The following ENTPD3 variants were observed in gnomAD, a reference collection of about 807,000 sequenced individuals.
ENTPD3 encodes the protein ectonucleoside triphosphate diphosphohydrolase 3.
Under a neutral mutation model 51.2 loss-of-function variants are expected in ENTPD3, and 60 were observed. The observed-to-expected ratio is 1.17, with a 90% CI of 0.95 to 1.45. The LOEUF (loss-of-function observed/expected upper bound fraction) is 1.45, where lower values mean the gene tolerates loss of function less well. Ranked by LOEUF, ENTPD3 falls within the 40% of genes most tolerant of loss-of-function variation. ENTPD3 has a pLI of 0.00. For missense variants in ENTPD3, 593 were observed against 641.1 expected (o/e 0.93, Z 0.81); for synonymous variants, 221 against 238.4 (o/e 0.93, Z 0.67).
At chr3:40,427,196 T>C (rs1052251387) in intron 10 of ENTPD3, 76 bp from the exon 11 acceptor site, 5 of 1,189,012 alleles carry the variant, frequency 4.2e-6, no homozygotes, top group African/African-American at 3.0e-5. Flanking sequence ...GTGAGGTTGA[T>C]AGCAGTATGA....
chr3:40,410,348 C>A (rs189166523), intron 4 of ENTPD3, among the ~76,000 whole-genome samples: 233 of 150,198 alleles, frequency 1.6e-3, no homozygotes, highest in African/African-American at 5.5e-3. Context: ...GGCTGAGGCA[C>A]AAGAATCGCT....
chr3:40,423,051 A>C lies in ENTPD3; in HGVS notation c.1033A>C (p.Lys345Gln). 6.2e-7 allele frequency: 1 copy of C among 1,614,116 alleles called. No homozygotes were observed. The highest frequency in any genetic ancestry group is 1.1e-5 in the South Asian group (1 of 91,060). Residue 345 changes from lysine to glutamine, a missense_variant, in exon 8 of 11, where the codon AAA becomes CAA. Lys to Gln is a moderately conservative substitution (Grantham distance 53, BLOSUM62 1). Transcript: ENST00000301825. ...KEKVASIFDFKACHDQETCSF... is the reference protein window; with the variant it reads ...KEKVASIFDFQACHDQETCSF... Reference sequence around the variant, plus strand: ...GAAGGTGGCTTCCATATTTGACTTCAAAGCTTGCCATGATCAAGAAACCTG... The same window carrying C: ...GAAGGTGGCTTCCATATTTGACTTCCAAGCTTGCCATGATCAAGAAACCTG...
intron 7 of ENTPD3, among the ~76,000 whole-genome samples, chr3:40,416,962 G>A (rs1955761994): frequency 6.6e-6 from 1 of 150,794 alleles, no homozygotes; most frequent in African/African-American, 2.5e-5. Context: ...CTATCCTGCA[G>A]AGGAGTTGAA....
intron 4 of ENTPD3, among the ~76,000 whole-genome samples, chr3:40,409,578 T>C (rs1202389246): frequency 6.6e-6 from 1 of 152,182 alleles, no homozygotes; most frequent in Non-Finnish European, 1.5e-5. Flanking sequence ...CTCAGGTTTT[T>C]TTATTGGTTT....
chr3:40,390,958 T>C (rs931575020), intron 2 of ENTPD3: 1 of 152,190 alleles, frequency 6.6e-6, no homozygotes, highest in African/African-American at 2.4e-5. Flanking sequence ...GTACTAATTT[T>C]TTTATTTTTA....
chr3:40,409,109 G>A (rs538494725), intron 4 of ENTPD3, among the ~76,000 whole-genome samples: 20 of 151,726 alleles, frequency 1.3e-4, no homozygotes, highest in East Asian at 9.7e-4. Context: ...AAAATTAGCC[G>A]GGTCTGTTGG....
chr3:40,423,754 A>C (rs539408758), intron 9 of ENTPD3, 72 bp from the exon 10 acceptor site: 1 of 1,541,760 alleles, frequency 6.5e-7, no homozygotes, highest in African/African-American at 1.4e-5. Flanking sequence ...TTAAAACATG[A>C]CTTTTAACCC....
chr3:40,397,857 C>T (rs772721821), intron 3 of ENTPD3, among the ~76,000 whole-genome samples: 6 of 152,074 alleles, frequency 3.9e-5, no homozygotes, highest in African/African-American at 7.2e-5. Flanking sequence ...TCTTCAGATC[C>T]ACATTTGAGC....
chr3:40,404,938 C>G (rs1955456013), intron 4 of ENTPD3, among the ~76,000 whole-genome samples: 1 of 152,148 alleles, frequency 6.6e-6, no homozygotes, highest in Non-Finnish European at 1.5e-5. Context: ...AGTTCATTGC[C>G]TTTGCTGGCG....
intron 10 of ENTPD3, 119 bp downstream of exon 10, chr3:40,424,082 T>C: frequency 2.6e-6 from 4 of 1,525,340 alleles, no homozygotes; most frequent in Non-Finnish European, 3.5e-6. Flanking sequence ...GGGTGGAAGC[T>C]GATCAGACTG....
intron 4 of ENTPD3, among the ~76,000 whole-genome samples, chr3:40,408,608 A>G (rs1955557572): frequency 6.6e-6 from 1 of 152,228 alleles, no homozygotes; most frequent in South Asian, 2.1e-4. Context: ...TAACTAACCT[A>G]TCTCATAGGA....
chr3:40,415,858 T>G lies in ENTPD3; in HGVS notation c.616T>G (p.Trp206Gly). Residue 206 changes from tryptophan (W) to glycine (G), a missense_variant, in exon 7 of 11, where the codon TGG (tryptophan) becomes GGG (glycine). By Grantham distance (184) the Trp-to-Gly change is radical. Coordinates refer to ENST00000301825, the MANE Select transcript of ENTPD3 (RefSeq NM_001248.4). ...TGTGCAGAAGAACCTGTGGCACATG[T>G]GGGTGCACCCGCATGGAGTGGAAAC... ...NFLEKNLWHM[W>G]VHPHGVETTG... is the part of the protein sequence containing the mutation. The G allele has an allele frequency of 6.2e-7, 1 of 1,613,824 alleles. No homozygotes were observed. Among genetic ancestry groups the G allele is most frequent in the Non-Finnish European group, 8.5e-7 (1 of 1,179,716 alleles).
rs1645001929 is a variant in ENTPD3 at position 40,392,728 on chromosome 3, GA to G, written c.168+580del. On this transcript the variant is annotated intron_variant, in intron 3 of 10. Transcript: ENST00000301825. ...TCCAGCACTTCGAGAGGCCGAGGAA[GA>G]AGGATTGCTTGAGCCCAGGAGTTCA... 2.6e-5 allele frequency among the ~76,000 whole-genome samples: 4 copies of G among 152,210 alleles called. No homozygotes were observed. The South Asian group carries it at 8.3e-4, about 32-fold the overall frequency.
intron 3 of ENTPD3, 41 bp downstream of exon 3, chr3:40,392,191 A>C: frequency 6.2e-7 from 1 of 1,601,280 alleles, no homozygotes; most frequent in Non-Finnish European, 8.5e-7. Flanking sequence ...AGAAATGAGC[A>C]TAAAGGGGAA....
intron 7 of ENTPD3, among the ~76,000 whole-genome samples, chr3:40,416,465 T>C (rs1203983190): frequency 6.6e-6 from 1 of 152,206 alleles, no homozygotes; most frequent in Non-Finnish European, 1.5e-5. Context: ...GAGAAATGTG[T>C]GCTGAAGGGG....
chr3:40,411,264 C>T (rs1449209915), intron 4 of ENTPD3, among the ~76,000 whole-genome samples: 1 of 147,376 alleles, frequency 6.8e-6, no homozygotes, highest in Non-Finnish European at 1.5e-5. Context: ...GTACTCCAGG[C>T]TGGGCGACAG....
chr3:40,411,059 G>T (rs545608985), intron 4 of ENTPD3, among the ~76,000 whole-genome samples: 1 of 152,208 alleles, frequency 6.6e-6, no homozygotes, highest in South Asian at 2.1e-4. Context: ...GGGAGGTCGA[G>T]GCAGGTGGAT....
rs760337751 is a variant in ENTPD3, at chr3:40,392,074, T to C, written c.92T>C (p.Leu31Pro). Residue 31 changes from leucine to proline, a missense_variant, in exon 3 of 11, where the codon CTT (leucine) becomes CCT (proline). Leu to Pro is a moderately conservative substitution (Grantham distance 98, BLOSUM62 -3). Coordinates refer to ENST00000301825, the MANE Select transcript of ENTPD3 (RefSeq NM_001248.4). ...ACCATCATTGCCTTGGTGGTCTTGC[T>C]TGTGAGTATTGTGGTACTTGTGAGT... ...TPTIIALVVL[L>P]VSIVVLVSIT... The C allele has an allele frequency of 6.2e-7, 1 of 1,614,098 alleles. No homozygotes were observed. Among genetic ancestry groups the C allele is most frequent in the African/African-American group, 1.3e-5 (1 of 74,942 alleles).
At chr3:40,422,471 A>G (rs982214214) in intron 7 of ENTPD3, among the ~76,000 whole-genome samples, 32 of 151,118 alleles carry the variant, frequency 2.1e-4, no homozygotes, top group African/African-American at 7.0e-4. Context: ...CTCGTCATTT[A>G]GCATTAGGTA....
Sources: gnomAD v4.1 joint callset for allele counts (sites outside exome capture counted in the v4.1 genomes callset) on GRCh38, gnomAD v4.1.1 for gene constraint, MANE v1.5 for transcripts, NCBI Gene and HGNC (gene_info 2026-07-23, HGNC 2026-07-21) for gene names.